The following PCLO variants were observed in gnomAD, a reference collection of about 807,000 sequenced individuals.
PCLO encodes the protein protein piccolo.
A neutral mutation model predicts 427.5 loss-of-function variants in PCLO; 82 were observed. That is an observed-to-expected ratio of 0.19 (90% confidence interval 0.16 to 0.23). The LOEUF is 0.23. Among genes scored for constraint, PCLO ranks in the 10% least tolerant of loss-of-function variants. PCLO has a pLI of 1.00. For missense variants in PCLO, 6,239 were observed against 6,115.9 expected, an observed-to-expected ratio of 1.02 and a Z score of -0.67; for synonymous variants, 2,357 against 2,155.4, an observed-to-expected ratio of 1.09 and a Z score of -2.59.
chr7:83,127,779 A>G (rs1226187169), intron 3 of PCLO, among the ~76,000 whole-genome samples: 1 of 152,128 alleles, frequency 6.6e-6, no homozygotes, highest in East Asian at 1.9e-4. Context: ...CAGAGAGGTC[A>G]GCAGAAAATA....
At chr7:83,094,156 T>A (rs1790465978) in intron 3 of PCLO, among the ~76,000 whole-genome samples, 1 of 151,610 alleles carries the variant, frequency 6.6e-6, no homozygotes, top group Non-Finnish European at 1.5e-5. Context: ...ATTTCAAGAA[T>A]GTTATATAGA....
intron 20 of PCLO, chr7:82,820,494 GA>G: frequency 8.3e-7 from 1 of 1,206,352 alleles, no homozygotes; most frequent in Non-Finnish European, 1.0e-6. Flanking sequence ...ATGAAATAAA[GA>G]TACTTTATTT....
intron 3 of PCLO, among the ~76,000 whole-genome samples, chr7:83,058,059 C>T (rs1379642945): frequency 2.0e-5 from 3 of 152,110 alleles, no homozygotes; most frequent in African/African-American, 4.8e-5. Flanking sequence ...AGAAGAGAAG[C>T]TTGGTAGGGT....
At chr7:83,123,145 CAA>C in intron 3 of PCLO, among the ~76,000 whole-genome samples, 1 of 152,106 alleles carries the variant, frequency 6.6e-6, no homozygotes, top group African/African-American at 2.4e-5. Flanking sequence ...TATAGAACCA[CAA>C]AAGACCAAGA....
At chr7:82,958,593 T>C (rs1012774857) in intron 4 of PCLO, among the ~76,000 whole-genome samples, 3 of 152,194 alleles carry the variant, frequency 2.0e-5, no homozygotes, top group Non-Finnish European at 2.9e-5. Flanking sequence ...GTGTGATATA[T>C]TCTTAACAAC....
At chr7:82,888,209 G>T (rs954158282) in intron 9 of PCLO, among the ~76,000 whole-genome samples, 1 of 152,072 alleles carries the variant, frequency 6.6e-6, no homozygotes, top group Non-Finnish European at 1.5e-5. Flanking sequence ...TTTGTTCCAC[G>T]GATATTCCAG....
chr7:83,060,933 A>G (rs1789528229), intron 3 of PCLO, among the ~76,000 whole-genome samples: 1 of 152,216 alleles, frequency 6.6e-6, no homozygotes, highest in Non-Finnish European at 1.5e-5. Flanking sequence ...TGGTAGATAT[A>G]CCAGAATATG....
chr7:82,975,594 G>T (rs892807062), intron 3 of PCLO, among the ~76,000 whole-genome samples: 1 of 152,152 alleles, frequency 6.6e-6, no homozygotes, highest in Non-Finnish European at 1.5e-5. Context: ...TCAGTATATC[G>T]ATTCTGCAGG....
intron 3 of PCLO, among the ~76,000 whole-genome samples, chr7:83,051,947 T>G (rs184408199): frequency 6.6e-6 from 1 of 152,182 alleles, no homozygotes; most frequent in Admixed American, 6.6e-5. Flanking sequence ...AGGATGTTTT[T>G]TTTAACAAAT....
intron 3 of PCLO, among the ~76,000 whole-genome samples, chr7:83,079,228 T>G (rs1247609484): frequency 6.6e-6 from 1 of 152,142 alleles, no homozygotes; most frequent in Non-Finnish European, 1.5e-5. Flanking sequence ...CAGCAATATA[T>G]TCAACACAAT....
chr7:83,147,063 A>T (rs936516614), intron 2 of PCLO, among the ~76,000 whole-genome samples: 3 of 148,848 alleles, frequency 2.0e-5, no homozygotes, highest in Non-Finnish European at 3.0e-5. Context: ...GGTATAAAAA[A>T]AAAATAAAAA....
At chr7:82,973,559 G>C (rs1181052140) in intron 3 of PCLO, among the ~76,000 whole-genome samples, 1 of 151,972 alleles carries the variant, frequency 6.6e-6, no homozygotes, top group African/African-American at 2.4e-5. Context: ...ACTTGTACTA[G>C]AGTTATCATT....
At chr7:82,836,147 G>A (rs1412290537) in intron 15 of PCLO, among the ~76,000 whole-genome samples, 2 of 152,018 alleles carry the variant, frequency 1.3e-5, no homozygotes, top group African/African-American at 2.4e-5. Context: ...CTTTAAGTTT[G>A]TAACATTCTA....
intron 6 of PCLO, among the ~76,000 whole-genome samples, chr7:82,928,972 G>C (rs914130267): frequency 1.3e-5 from 2 of 152,120 alleles, no homozygotes; most frequent in African/African-American, 4.8e-5. Flanking sequence ...TAAAACCAGA[G>C]AGGATGAACT....
intron 9 of PCLO, among the ~76,000 whole-genome samples, chr7:82,891,440 G>A (rs1385263221): frequency 2.0e-5 from 3 of 152,114 alleles, no homozygotes; most frequent in Non-Finnish European, 2.9e-5. Context: ...TTTGGGCTGA[G>A]ATGATGGGGT....
chr7:83,071,464 G>T (rs1303665807), intron 3 of PCLO, among the ~76,000 whole-genome samples: 1 of 152,086 alleles, frequency 6.6e-6, no homozygotes, highest in Non-Finnish European at 1.5e-5. Flanking sequence ...AAGAGATTTG[G>T]TAACTGCTTC....
intron 22 of PCLO, among the ~76,000 whole-genome samples, chr7:82,780,784 T>C (rs527820655): frequency 1.3e-5 from 2 of 152,324 alleles, no homozygotes; most frequent in African/African-American, 4.8e-5. Flanking sequence ...TTTCCTCAAA[T>C]GGTAAAGACA....
chr7:82,945,685 G>A (rs1022249963), intron 6 of PCLO, among the ~76,000 whole-genome samples: 57 of 152,156 alleles, frequency 3.7e-4, no homozygotes, highest in African/African-American at 1.4e-3. Context: ...CCTAGTGGTA[G>A]GAAGTCAAGC....
chr7:82,798,865 G>T (rs560645227), intron 22 of PCLO, among the ~76,000 whole-genome samples: 8 of 152,096 alleles, frequency 5.3e-5, no homozygotes, highest in African/African-American at 9.7e-5. Flanking sequence ...TACATATTCT[G>T]TCTTGTTCCC....
Sources: allele counts gnomAD v4.1 joint callset (sites outside exome capture counted in the v4.1 genomes callset), GRCh38; gene constraint gnomAD v4.1.1; transcripts MANE v1.5; gene names NCBI Gene and HGNC (gene_info 2026-07-23, HGNC 2026-07-21).